CBFA2T2: variants seen among roughly 807,000 people sequenced by gnomAD.
The protein encoded by CBFA2T2 is protein CBFA2T2.
A neutral mutation model predicts 62.2 loss-of-function variants in CBFA2T2; 11 were observed. The ratio of observed to expected loss-of-function variants is 0.18; its 90% CI spans 0.11 to 0.29. CBFA2T2 has a LOEUF of 0.29. Among genes scored for constraint, CBFA2T2 ranks in the 10% least tolerant of loss-of-function variants. CBFA2T2 has a pLI of 1.00. For synonymous variants in CBFA2T2, 295 were observed against 287.5 expected, an observed-to-expected ratio of 1.03 and a Z score of -0.27; for missense variants, 592 against 774.1, an observed-to-expected ratio of 0.76 and a Z score of 2.79.
chr20:33,642,116 T>TTGTGTGTGTGTG (rs869240464), intron 10 of CBFA2T2, among the ~76,000 whole-genome samples: 8 of 59,008 alleles, frequency 1.4e-4, no homozygotes, highest in African/African-American at 1.4e-4. Flanking sequence ...TTTTTTTTTT[T>TTGTGTGTGTGTG]TGTGTGTGTG....
intron 1 of CBFA2T2, among the ~76,000 whole-genome samples, chr20:33,543,864 T>C (rs2012468803): frequency 6.6e-6 from 1 of 152,116 alleles, no homozygotes; most frequent in Admixed American, 6.6e-5. Context: ...CATTTTGAGG[T>C]GGAGTCTCAC....
At chr20:33,551,247 G>A (rs1042492611) in intron 1 of CBFA2T2, among the ~76,000 whole-genome samples, 4 of 146,350 alleles carry the variant, frequency 2.7e-5, no homozygotes, top group African/African-American at 5.1e-5. Context: ...ATGGAGTTTC[G>A]CTGTTGTCGC....
chr20:33,572,048 G>A (rs868453511), intron 1 of CBFA2T2, among the ~76,000 whole-genome samples: 8 of 152,074 alleles, frequency 5.3e-5, no homozygotes, highest in African/African-American at 1.2e-4. Flanking sequence ...CTGCCACCAC[G>A]GGCCTGGCTA....
At chr20:33,596,661 T>C (rs889391834) in intron 1 of CBFA2T2, among the ~76,000 whole-genome samples, 7 of 152,206 alleles carry the variant, frequency 4.6e-5, no homozygotes, top group Non-Finnish European at 1.0e-4. Flanking sequence ...AGGCTTTCCG[T>C]AGAATCTATA....
intron 1 of CBFA2T2, among the ~76,000 whole-genome samples, chr20:33,498,659 G>A (rs1305736397): frequency 6.6e-6 from 1 of 152,142 alleles, no homozygotes; most frequent in Non-Finnish European, 1.5e-5. Context: ...TGAGGTAGGA[G>A]GATCGCTTGA....
chr20:33,609,638 G>A (rs555309617), intron 2 of CBFA2T2, among the ~76,000 whole-genome samples: 26 of 152,300 alleles, frequency 1.7e-4, no homozygotes, highest in South Asian at 6.2e-4. Context: ...TACCTGAACC[G>A]TATGGGATGA....
rs1324156058 is a variant in CBFA2T2, at chr20:33,629,869, G to T, written c.1183G>T (p.Val395Phe). Residue 395 changes from valine (V) to phenylalanine (F), a missense_variant, in exon 8 of 11, where the codon GTC (valine) becomes TTC (phenylalanine). Physicochemically the swap from Val to Phe is conservative, Grantham distance 50 (BLOSUM62 -1). Coordinates refer to ENST00000342704, the MANE Select transcript of CBFA2T2 (RefSeq NM_001032999.3). ...TELRKTGTELVSRQHSPGSAD... is the reference protein window; with the variant it reads ...TELRKTGTELFSRQHSPGSAD... ...GCTGAGGAAAACGGGGACCGAGTTG[G>T]TCTCCAGGCAGCACAGCCCTGGGAG... is the stretch of plus-strand genomic sequence containing the variant. 2 of 1,614,078 alleles carry T rather than the reference G, an allele frequency of 1.2e-6. No homozygotes were observed. The highest frequency in any genetic ancestry group is 4.5e-5 in the East Asian group (2 of 44,880).
At chr20:33,614,134 A>T (rs1410142853) in intron 3 of CBFA2T2, among the ~76,000 whole-genome samples, 1 of 151,860 alleles carries the variant, frequency 6.6e-6, no homozygotes, top group Non-Finnish European at 1.5e-5. Context: ...AAAAAAATTC[A>T]TTTGTAAAAA....
intron 1 of CBFA2T2, among the ~76,000 whole-genome samples, chr20:33,515,837 A>G (rs1454561640): frequency 2.0e-5 from 3 of 150,784 alleles, no homozygotes; most frequent in African/African-American, 7.3e-5. Context: ...CGGGGGGAAT[A>G]TCTTATAATT....
intron 1 of CBFA2T2, among the ~76,000 whole-genome samples, chr20:33,577,153 A>G (rs1406364982): frequency 6.6e-6 from 1 of 152,208 alleles, no homozygotes; most frequent in Admixed American, 6.5e-5. Flanking sequence ...TCAGAGTGTC[A>G]TTGTTAAATA....
intron 1 of CBFA2T2, among the ~76,000 whole-genome samples, chr20:33,500,246 C>T (rs2011256124): frequency 6.6e-6 from 1 of 152,064 alleles, no homozygotes; most frequent in Non-Finnish European, 1.5e-5. Flanking sequence ...TGAGCCACTG[C>T]GCCCAGCCAA....
intron 1 of CBFA2T2, among the ~76,000 whole-genome samples, chr20:33,491,130 C>T (rs1054851403): frequency 6.6e-6 from 1 of 152,088 alleles, no homozygotes; most frequent in African/African-American, 2.4e-5. Context: ...GGGGTGGCTT[C>T]TCTGAATAAG....
At chr20:33,493,384 A>C (rs916173120) in intron 1 of CBFA2T2, among the ~76,000 whole-genome samples, 5 of 152,092 alleles carry the variant, frequency 3.3e-5, no homozygotes, top group Non-Finnish European at 5.9e-5. Flanking sequence ...CCTTGATTGA[A>C]GTTTTTAACT....
intron 1 of CBFA2T2, among the ~76,000 whole-genome samples, chr20:33,533,830 C>A (rs1395042707): frequency 6.6e-6 from 1 of 152,084 alleles, no homozygotes; most frequent in East Asian, 1.9e-4. Flanking sequence ...CAGCAGTTAG[C>A]CTTGCATGGT....
chr20:33,630,083 C>CT (rs1289440820), intron 8 of CBFA2T2, among the ~76,000 whole-genome samples, 169 bp downstream of exon 8: 1 of 152,030 alleles, frequency 6.6e-6, no homozygotes, highest in Admixed American at 6.6e-5. Flanking sequence ...TATGAAGCCC[C>CT]TGGCATGTTT....
At chr20:33,589,596 A>G (rs964390688) in intron 1 of CBFA2T2, among the ~76,000 whole-genome samples, 2 of 152,042 alleles carry the variant, frequency 1.3e-5, no homozygotes, top group African/African-American at 4.8e-5. Context: ...TTTTTATTTC[A>G]TTTGATTGTA....
rs1242139299 is a variant in CBFA2T2, at chr20:33,501,656, T to TTTTC, written c.34+11357_34+11358insTCTT. On this transcript the variant is annotated intron_variant, in intron 1 of 10. Transcript: ENST00000342704. ...TTTTTTTTTTTTTTTTTTTTTTTTT[T>TTTTC]TTGAGAGGGAGTCTCACTTTGTCGC... 1.3e-4 allele frequency among the ~76,000 whole-genome samples: 18 copies of TTTTC among 140,898 alleles called. 2 individuals carry two copies. The highest frequency in any genetic ancestry group is 2.6e-4 in the Non-Finnish European group (17 of 65,976). The allele number at this position is 140,898 out of a possible 152,430, so 92.4% of individuals were successfully genotyped here.
In CBFA2T2 at chr20:33,624,908, T is replaced by C; in HGVS notation, c.837T>C (p.Pro279=). 1 of 1,614,078 alleles carries C rather than the reference T, an allele frequency of 6.2e-7. No homozygotes were observed. The highest frequency in any genetic ancestry group is 2.2e-5 in the East Asian group (1 of 44,880). Residue 279 remains proline (P), a synonymous_variant, in exon 6 of 11, where the codon CCT becomes CCC. Coordinates refer to ENST00000342704, the MANE Select transcript of CBFA2T2 (RefSeq NM_001032999.3). ...MNPGGQFHPT[P]PPLQHYTLED... ...CCGGGGGCCAATTCCATCCTACCCCTCCACCTCTTCAGCATTACACCTTAG... is the reference window on the plus strand; with the variant it reads ...CCGGGGGCCAATTCCATCCTACCCCCCCACCTCTTCAGCATTACACCTTAG...
intron 1 of CBFA2T2, among the ~76,000 whole-genome samples, chr20:33,560,880 G>A (rs561616173): frequency 6.6e-6 from 1 of 151,994 alleles, no homozygotes; most frequent in Admixed American, 6.6e-5. Flanking sequence ...TTTTGCTTTT[G>A]CTTTTGCTTT....
Sources: allele counts gnomAD v4.1 joint callset (sites outside exome capture counted in the v4.1 genomes callset), GRCh38; gene constraint gnomAD v4.1.1; transcripts MANE v1.5; gene names NCBI Gene and HGNC (gene_info 2026-07-23, HGNC 2026-07-21).